SFMBT2: variants seen among roughly 807,000 people sequenced by gnomAD.
The protein encoded by SFMBT2 is Scm like with four mbt domains 2.
Under a neutral mutation model 110.1 loss-of-function variants are expected in SFMBT2, and 38 were observed. That is an observed-to-expected ratio of 0.35 (90% CI 0.27 to 0.45). The LOEUF is 0.45. SFMBT2 is among the 20% of genes least tolerant of loss of function. The pLI is 1.00. For synonymous variants in SFMBT2, 425 were observed against 425.4 expected (o/e 1.00, Z 0.01); for missense variants, 1,011 against 1,094.9 (o/e 0.92, Z 1.08).
At chr10:7,235,052 G>A (rs1210363502) in intron 9 of SFMBT2, among the ~76,000 whole-genome samples, 3 of 152,188 alleles carry the variant, frequency 2.0e-5, no homozygotes, top group Non-Finnish European at 4.4e-5. Context: ...ACTTCCCCAG[G>A]CCAGTGGCAC....
At chr10:7,334,886 C>T (rs1843670408) in intron 4 of SFMBT2, among the ~76,000 whole-genome samples, 1 of 152,198 alleles carries the variant, frequency 6.6e-6, no homozygotes, top group South Asian at 2.1e-4. Context: ...AACCTAGAAC[C>T]TGCCATCCAG....
At chr10:7,346,318 T>A (rs1015133987) in intron 4 of SFMBT2, among the ~76,000 whole-genome samples, 2 of 152,370 alleles carry the variant, frequency 1.3e-5, no homozygotes, top group South Asian at 4.1e-4. Flanking sequence ...TATGATGCTG[T>A]GTCTTGGTGA....
At chr10:7,253,569 C>T (rs1052480071) in intron 7 of SFMBT2, among the ~76,000 whole-genome samples, 2 of 152,176 alleles carry the variant, frequency 1.3e-5, no homozygotes, top group Non-Finnish European at 2.9e-5. Context: ...CACAGAAATG[C>T]ATCTGTTTTT....
chr10:7,242,719 A>G (rs956313002), intron 9 of SFMBT2, among the ~76,000 whole-genome samples: 2 of 152,244 alleles, frequency 1.3e-5, no homozygotes, highest in Non-Finnish European at 2.9e-5. Context: ...ATGTAAACAG[A>G]CTGGCGAGGC....
At chr10:7,310,371 T>C (rs539925254) in intron 4 of SFMBT2, among the ~76,000 whole-genome samples, 18 of 152,204 alleles carry the variant, frequency 1.2e-4, no homozygotes, top group Admixed American at 2.0e-4. Context: ...TGGGATCTCA[T>C]GCCACGGTTA....
At chr10:7,281,482 T>G (rs901787485) in intron 6 of SFMBT2, among the ~76,000 whole-genome samples, 1 of 152,302 alleles carries the variant, frequency 6.6e-6, no homozygotes, top group East Asian at 1.9e-4. Flanking sequence ...GGCCTAGTAT[T>G]TTCTATGCAG....
chr10:7,269,830 T>C (rs1291310815), intron 7 of SFMBT2, among the ~76,000 whole-genome samples: 4 of 110,612 alleles, frequency 3.6e-5, no homozygotes, highest in Admixed American at 9.1e-5. Context: ...GATTTCTCTT[T>C]TTTTTTTTTT....
At chr10:7,377,317 C>T (rs922191843) in intron 2 of SFMBT2, among the ~76,000 whole-genome samples, 2 of 152,102 alleles carry the variant, frequency 1.3e-5, no homozygotes, top group Non-Finnish European at 2.9e-5. Flanking sequence ...TGGTCCCCAA[C>T]CTTTTTGGCA....
intron 10 of SFMBT2, among the ~76,000 whole-genome samples, chr10:7,221,890 C>T (rs956826831): frequency 1.3e-5 from 2 of 152,146 alleles, no homozygotes; most frequent in African/African-American, 4.8e-5. Context: ...ATCCCTTCAC[C>T]CCCAAAATAC....
intron 16 of SFMBT2, among the ~76,000 whole-genome samples, chr10:7,186,515 T>C (rs1308557292): frequency 6.6e-6 from 1 of 151,388 alleles, no homozygotes; most frequent in Non-Finnish European, 1.5e-5. Context: ...CTTACTATGT[T>C]GTCCAGGCTG....
intron 4 of SFMBT2, among the ~76,000 whole-genome samples, chr10:7,302,086 A>T (rs879603021): frequency 6.6e-6 from 1 of 152,134 alleles, no homozygotes. Flanking sequence ...CTGGCAAGGT[A>T]ATTCCATGAC....
At chr10:7,391,536 G>A (rs1176606436) in intron 1 of SFMBT2, among the ~76,000 whole-genome samples, 2 of 151,814 alleles carry the variant, frequency 1.3e-5, no homozygotes, top group African/African-American at 4.8e-5. Flanking sequence ...CGTGCCACTG[G>A]AAGACTTCCC....
chr10:7,286,009 A>C (rs1588418351), intron 4 of SFMBT2, 55 bp from the exon 5 acceptor site: 1 of 809,046 alleles, frequency 1.2e-6, no homozygotes, highest in East Asian at 2.4e-5. Flanking sequence ...ACACTTCAAC[A>C]CAGCAGCAAA....
intron 7 of SFMBT2, among the ~76,000 whole-genome samples, chr10:7,250,438 G>A (rs1206695795): frequency 2.0e-5 from 3 of 152,110 alleles, no homozygotes; most frequent in Non-Finnish European, 4.4e-5. Flanking sequence ...TTATGGCTAT[G>A]CAATATTCCA....
chr10:7,393,879 C>A (rs79760725), intron 1 of SFMBT2, among the ~76,000 whole-genome samples: 1 of 152,188 alleles, frequency 6.6e-6, no homozygotes, highest in Non-Finnish European at 1.5e-5. Flanking sequence ...GGCTGCTCTG[C>A]CAGCTCCAGG....
At chr10:7,333,354 G>A (rs980522111) in intron 4 of SFMBT2, among the ~76,000 whole-genome samples, 6 of 150,902 alleles carry the variant, frequency 4.0e-5, no homozygotes, top group Non-Finnish European at 7.4e-5. Flanking sequence ...CAGGCACCTA[G>A]TAAATATCTG....
chr10:7,385,474 C>T (rs1014324478), intron 1 of SFMBT2, among the ~76,000 whole-genome samples: 1 of 152,134 alleles, frequency 6.6e-6, no homozygotes, highest in African/African-American at 2.4e-5. Context: ...GGAACTGAAA[C>T]ACGTGGAGCA....
intron 16 of SFMBT2, among the ~76,000 whole-genome samples, chr10:7,180,982 G>C (rs2131554737): frequency 6.6e-6 from 1 of 152,228 alleles, no homozygotes; most frequent in Middle Eastern, 3.4e-3. Context: ...CAGCAGGCCT[G>C]AGCCACTCCC....
intron 2 of SFMBT2, among the ~76,000 whole-genome samples, chr10:7,378,476 A>G (rs11595476): frequency 0.94 from 6,517 of 6,938 alleles, 3,221 homozygotes; most frequent in Middle Eastern, 1. Context: ...GGATGGGTGT[A>G]AGTGTGGGTG....
Sources: allele counts gnomAD v4.1 joint callset (sites outside exome capture counted in the v4.1 genomes callset), GRCh38; gene constraint gnomAD v4.1.1; transcripts MANE v1.5; gene names NCBI Gene and HGNC (gene_info 2026-07-23, HGNC 2026-07-21).